Variants in NT5DC4 observed in about 807,000 individuals in gnomAD.
NT5DC4 encodes 5'-nucleotidase domain-containing protein 4.
NT5DC4 carries 44 observed loss-of-function variants against 26.6 expected under a neutral mutation model. The ratio of observed to expected loss-of-function variants is 1.65; its 90% confidence interval spans 1.30 to 2.13. The LOEUF (loss-of-function observed/expected upper bound fraction) is 2.13. Ranked by LOEUF, NT5DC4 falls within the 30% of genes most tolerant of loss-of-function variation. NT5DC4 has a pLI of 0.00. For synonymous variants in NT5DC4, 157 were observed against 86.7 expected (o/e 1.81, Z -4.51); for missense variants, 399 against 228.1 (o/e 1.75, Z -4.83).
chr2:112,724,703 G>A, intron 10 of NT5DC4, 78 bp from the exon 11 acceptor site: 1 of 693,636 alleles, frequency 1.4e-6, no homozygotes, highest in South Asian at 1.5e-5. Context: ...GGGAGAGGCA[G>A]GCTGTGGTGG....
intron 8 of NT5DC4, 43 bp downstream of exon 8, chr2:112,723,511 G>C: frequency 1.4e-6 from 1 of 715,268 alleles, no homozygotes. Flanking sequence ...CACCCCCAAA[G>C]CAGCAGGGCT....
intron 15 of NT5DC4, among the ~76,000 whole-genome samples, chr2:112,727,497 G>T (rs938265925): frequency 6.6e-6 from 1 of 152,144 alleles, no homozygotes; most frequent in Non-Finnish European, 1.5e-5. Context: ...TCCTCTGTTG[G>T]ACTCAGATGG....
At position 112,723,479 on chromosome 2, in the gene NT5DC4, A is replaced by ACAGACC; in HGVS notation, c.672+15_672+20dup. 4.2e-6 allele frequency: 3 copies of ACAGACC among 717,150 alleles called. No individual in the cohort carries two copies. Among genetic ancestry groups the ACAGACC allele is most frequent in the Non-Finnish European group, 7.8e-6 (3 of 385,020 alleles). The allele number at this position is 717,150 out of a possible 1,614,324, so 44.4% of individuals were successfully genotyped here. Reference sequence around the variant, plus strand: ...TATGTGAAGAAGGATGTGAGTGGCCACAGACCCAGGGCCATGGCCATCACC... The same window carrying ACAGACC: ...TATGTGAAGAAGGATGTGAGTGGCCACAGACCCAGACCCAGGGCCATGGCCATCACC... On this transcript the variant is annotated intron_variant, in intron 8 of 16. Transcript: ENST00000688554.
chr2:112,721,734 C>A (rs774053158), intron 1 of NT5DC4, 84 bp from the exon 2 acceptor site: 2 of 716,448 alleles, frequency 2.8e-6, no homozygotes, highest in African/African-American at 1.7e-5. Context: ...CCCTCCTCTG[C>A]GGGGTTTCCA....
In NT5DC4 at chr2:112,721,830, C is replaced by T. The variant is rs1256339938; in HGVS notation, c.87C>T (p.Asn29=). ...KQDWHQRIFV[N]RSLALGKIRC... ...TCTCTCTCCCCAGGATTTTTGTCAA[C>T]CGCAGCCTGGCGCTGGGGAAGATTC... Residue 29 remains asparagine (N), a synonymous_variant, in exon 2 of 17, where the codon AAC becomes AAT. Coordinates refer to ENST00000688554, the MANE Select transcript of NT5DC4 (RefSeq NM_001393655.1). The T allele has an allele frequency of 2.8e-6, 2 of 717,236 alleles. No homozygotes were observed. The highest frequency in any genetic ancestry group is 3.5e-5 in the African/African-American group (2 of 57,276). The allele number at this position is 717,236 out of a possible 1,614,324, so 44.4% of individuals were successfully genotyped here. A position where few individuals can be genotyped will look rare whatever the true frequency, so the allele number is the denominator to read the frequency against.
chr2:112,725,576 G>A (rs17040306), intron 13 of NT5DC4, 24 bp downstream of exon 13: 2 of 678,122 alleles, frequency 2.9e-6, no homozygotes, highest in South Asian at 3.1e-5. Flanking sequence ...GTCTGGAACA[G>A]TCAGAGGGGC....
At chr2:112,742,865 A>T (rs1414292947), downstream of NT5DC4, 4 of 787,742 alleles carry the variant, frequency 5.1e-6, no homozygotes, top group African/African-American at 7.0e-5. Flanking sequence ...TTATAATAAA[A>T]GTTTCCTTTT....
At chr2:112,739,906 G>A (rs1679766437), downstream of NT5DC4, among the ~76,000 whole-genome samples, 2 of 151,912 alleles carry the variant, frequency 1.3e-5, no homozygotes, top group Non-Finnish European at 2.9e-5. Context: ...CTCCTGCCTC[G>A]GCCTACCAAA....
chr2:112,730,338 G>A (rs1435927775), intron 16 of NT5DC4, among the ~76,000 whole-genome samples: 1 of 142,152 alleles, frequency 7.0e-6, no homozygotes, highest in Non-Finnish European at 1.5e-5. Flanking sequence ...AAAAGCGACA[G>A]TTGGATCCAA....
downstream of NT5DC4, among the ~76,000 whole-genome samples, chr2:112,741,446 AC>A (rs943090202): frequency 7.2e-5 from 11 of 152,192 alleles, no homozygotes; most frequent in Non-Finnish European, 1.6e-4. Context: ...ACTGCCTTGG[AC>A]AGTGGGCAAA....
chr2:112,728,869 G>A (rs998502054), intron 15 of NT5DC4, among the ~76,000 whole-genome samples: 3 of 152,212 alleles, frequency 2.0e-5, no homozygotes, highest in Non-Finnish European at 2.9e-5. Context: ...GGGTCACACT[G>A]TGTCTCCTGC....
Position 112,723,411 on chromosome 2 carries a change from C to A in NT5DC4, c.622-7C>A, listed in dbSNP as rs1036927800. On this transcript the variant is annotated splice_polypyrimidine_tract_variant and splice_region_variant and intron_variant, in intron 7 of 16. Transcript: ENST00000688554. The stretch of plus-strand genomic sequence containing the variant: ...CACACACACAGGCACTTTGCTCCCT[C>A]CTGCAGGGCTGTCTCAAGAAGACCC... 3 of 666,636 alleles carry A rather than the reference C, an allele frequency of 4.5e-6. No homozygotes were observed. Among genetic ancestry groups the A allele is most frequent in the South Asian group, 1.5e-5 (1 of 65,488 alleles). The allele number at this position is 666,636 out of a possible 1,614,324, so 41.3% of individuals were successfully genotyped here. A position where few individuals can be genotyped will look rare whatever the true frequency, so the allele number is the denominator to read the frequency against.
chr2:112,719,934 C>CTT (rs1165318009), upstream of NT5DC4, among the ~76,000 whole-genome samples: 138 of 66,022 alleles, frequency 2.1e-3, 4 homozygotes, highest in African/African-American at 8.9e-3. Flanking sequence ...CTCTTTCTTT[C>CTT]TTTCTTTCTT....
chr2:112,741,171 T>A (rs560983051), downstream of NT5DC4, among the ~76,000 whole-genome samples: 1 of 152,332 alleles, frequency 6.6e-6, no homozygotes, highest in African/African-American at 2.4e-5. Context: ...TAACTTGTTT[T>A]TTCACGTTAA....
chr2:112,720,030 C>T (rs539100636), upstream of NT5DC4, among the ~76,000 whole-genome samples: 3 of 124,876 alleles, frequency 2.4e-5, no homozygotes, highest in South Asian at 5.2e-4. Context: ...TCCTTCCTTC[C>T]TTCCTTCTTT....
chr2:112,734,767 G>C (rs1678895745), intron 16 of NT5DC4, among the ~76,000 whole-genome samples: 2 of 152,216 alleles, frequency 1.3e-5, no homozygotes, highest in Non-Finnish European at 2.9e-5. Flanking sequence ...TCAGTTCACT[G>C]CACCCTTTGT....
At chr2:112,738,716 T>C (rs942087257) in intron 16 of NT5DC4, 197 bp from the exon 17 acceptor site, 1 of 713,148 alleles carries the variant, frequency 1.4e-6, no homozygotes. Context: ...TGAGCGTCCA[T>C]AATCTGCATC....
intron 16 of NT5DC4, among the ~76,000 whole-genome samples, 178 bp downstream of exon 16, chr2:112,729,882 T>C (rs536156011): frequency 5.3e-5 from 8 of 152,328 alleles, no homozygotes; most frequent in African/African-American, 1.9e-4. Context: ...TGCGTATTAT[T>C]TTATTGTAAA....
upstream of NT5DC4, among the ~76,000 whole-genome samples, chr2:112,719,089 A>G (rs1676612701): frequency 3.3e-5 from 5 of 152,258 alleles, no homozygotes; most frequent in Admixed American, 3.3e-4. Flanking sequence ...GTGATGTCAT[A>G]GAGTGCACTT....
Sources: gnomAD v4.1 joint callset for allele counts (sites outside exome capture counted in the v4.1 genomes callset) on GRCh38, gnomAD v4.1.1 for gene constraint, MANE v1.5 for transcripts, NCBI Gene and HGNC (gene_info 2026-07-23, HGNC 2026-07-21) for gene names.